Variants in TP53INP1 observed in about 807,000 individuals in gnomAD.
The protein encoded by TP53INP1 is tumor protein p53-inducible nuclear protein 1.
A neutral mutation model predicts 21.0 loss-of-function variants in TP53INP1; 12 were observed. The ratio of observed to expected loss-of-function variants is 0.57; its 90% CI spans 0.37 to 0.93. The LOEUF (loss-of-function observed/expected upper bound fraction) is 0.93, where lower values mean the gene tolerates loss of function less well. Ranked by LOEUF, TP53INP1 falls within the 40% of genes least tolerant of loss-of-function variation. The pLI, the probability that TP53INP1 is intolerant of heterozygous loss-of-function variation, is 0.01. For synonymous variants in TP53INP1, 91 were observed against 94.8 expected, an observed-to-expected ratio of 0.96 and a Z score of 0.23; for missense variants, 274 against 294.7, an observed-to-expected ratio of 0.93 and a Z score of 0.51.
chr8:94,934,991 T>C (rs1431648588), intron 3 of TP53INP1, among the ~76,000 whole-genome samples: 2 of 152,084 alleles, frequency 1.3e-5, no homozygotes, highest in Admixed American at 6.6e-5. Flanking sequence ...TCATAAAAAA[T>C]CATCTACAAT....
chr8:94,935,124 T>TAG (rs1464221684), intron 3 of TP53INP1, among the ~76,000 whole-genome samples: 4 of 115,222 alleles, frequency 3.5e-5, no homozygotes, highest in East Asian at 2.4e-4. Flanking sequence ...CATAGGTAGA[T>TAG]AGATATAGAT....
rs71273438 is a variant in TP53INP1, at chr8:94,946,696, CAAAAAAAAA to C, written c.-151+2449_-151+2457del. On this transcript the variant is annotated intron_variant, in intron 1 of 3. Coordinates refer to ENST00000342697, the MANE Select transcript of TP53INP1 (RefSeq NM_033285.4). ...TGGTCAACAGAGTAAGACCCTGTCT[CAAAAAAAAA>C]AAAAAAAAAAAAAAAGACAGGCCCT... 3.2e-4 allele frequency among the ~76,000 whole-genome samples: 11 copies of C among 34,698 alleles called. 1 individual carries two copies. The highest frequency in any genetic ancestry group is 1.9e-4 in the African/African-American group (2 of 10,596). The allele number at this position is 34,698 out of a possible 152,430, so 22.8% of individuals were successfully genotyped here. A position where few individuals can be genotyped will look rare whatever the true frequency, so the allele number is the denominator to read the frequency against.
At chr8:94,935,128 T>TATAGGTAGATAG (rs1820838881) in intron 3 of TP53INP1, among the ~76,000 whole-genome samples, 1 of 144,640 alleles carries the variant, frequency 6.9e-6, no homozygotes, top group South Asian at 2.3e-4. Flanking sequence ...GGTAGATAGA[T>TATAGGTAGATAG]ATAGATAGAT....
chr8:94,927,912 C>CAAA lies in TP53INP1; in HGVS notation c.*2564_*2566dup, dbSNP rs34997272. 267 of 149,190 alleles carry CAAA rather than the reference C, an allele frequency of 1.8e-3. No individual in the cohort carries two copies. The highest frequency in any genetic ancestry group is 4.8e-3 in the African/African-American group (197 of 40,686). 9.2% of individuals were successfully genotyped at this position (149,190 alleles called of 1,614,324 possible). A position where few individuals can be genotyped will look rare whatever the true frequency, so the allele number is the denominator to read the frequency against. ...TGTAAACCACTAATATTTACAATAG[C>CAAA]AAAAAAAAAAGCTCATAAAATGCAT... On this transcript the variant is annotated 3_prime_UTR_variant, in exon 4 of 4. Coordinates refer to ENST00000342697, the MANE Select transcript of TP53INP1 (RefSeq NM_033285.4).
At chr8:94,943,761 T>C (rs138500077) in intron 1 of TP53INP1, among the ~76,000 whole-genome samples, 19 of 152,350 alleles carry the variant, frequency 1.2e-4, no homozygotes, top group Admixed American at 5.2e-4. Context: ...TTAGAACACT[T>C]TGTGGTCACA....
chr8:94,948,906 C>T (rs1451217408), intron 1 of TP53INP1, among the ~76,000 whole-genome samples: 2 of 151,574 alleles, frequency 1.3e-5, no homozygotes, highest in Non-Finnish European at 2.9e-5. Flanking sequence ...CGCGCCGCCG[C>T]CGCCTCTGTC....
chr8:94,931,280 C>T (rs1014510285), intron 3 of TP53INP1, among the ~76,000 whole-genome samples: 8 of 151,984 alleles, frequency 5.3e-5, no homozygotes, highest in African/African-American at 1.7e-4. Context: ...TACTCATTTG[C>T]CATTTTTCTA....
intron 3 of TP53INP1, 144 bp downstream of exon 3, chr8:94,939,716 C>G: frequency 8.4e-7 from 1 of 1,193,386 alleles, no homozygotes; most frequent in Non-Finnish European, 1.2e-6. Context: ...ATCTTACGGA[C>G]CATCTTGTGT....
rs552955272 is a variant in TP53INP1 at position 94,942,082 on chromosome 8, G to C, written c.-150-991C>G. 2.2e-3 allele frequency among the ~76,000 whole-genome samples: 336 copies of C among 151,798 alleles called. 1 individual carries two copies. The highest frequency in any genetic ancestry group is 7.4e-3 in the African/African-American group (306 of 41,404). On this transcript the variant is annotated intron_variant, in intron 1 of 3. Transcript: ENST00000342697. ...GAGTCTTTGTCTGTTGCCCAGGCTG[G>C]AGTGCATGCAGTGAGGCGATCTTGG... is the stretch of plus-strand genomic sequence containing the variant.
rs141483665 is a variant in TP53INP1 at position 94,940,123 on chromosome 8, C to A, written c.210G>T (p.Pro70=). 1 of 1,614,112 alleles carries A rather than the reference C, an allele frequency of 6.2e-7. No homozygotes were observed. The highest frequency in any genetic ancestry group is 8.5e-7 in the Non-Finnish European group (1 of 1,180,024). The part of the protein sequence containing the change: ...TEHPSVFSCL[P]ASLECLADTS... ...TATCAGCCAAGCACTCAAGAGATGC[C>A]GGTAAACAGGAAAAGACTGAAGGGT... The change falls in exon 3 of 4, where the codon CCG becomes CCT. Residue 70 remains proline (P), a synonymous_variant. Coordinates refer to ENST00000342697, the MANE Select transcript of TP53INP1 (RefSeq NM_033285.4).
chr8:94,948,656 G>A (rs1822235485), intron 1 of TP53INP1, among the ~76,000 whole-genome samples: 1 of 152,108 alleles, frequency 6.6e-6, no homozygotes, highest in African/African-American at 2.4e-5. Flanking sequence ...ACAAGCCCAA[G>A]CGCCGCTGTC....
rs190377430 is a variant in TP53INP1 at position 94,947,405 on chromosome 8, C to T, written c.-151+1749G>A. ...ACGTACCGTCATTGAAAAGCAGCTT[C>T]AGAATTATCCTTCTTTTTATCCCAC... On this transcript the variant is annotated intron_variant, in intron 1 of 3. Coordinates refer to ENST00000342697, the MANE Select transcript of TP53INP1 (RefSeq NM_033285.4). Among the ~76,000 whole-genome samples, 578 of 152,234 alleles carry T rather than the reference C, an allele frequency of 3.8e-3. 4 individuals are homozygous for T. The highest frequency in any genetic ancestry group is 0.013 in the African/African-American group (553 of 41,526).
intron 3 of TP53INP1, among the ~76,000 whole-genome samples, chr8:94,937,637 C>A (rs1821119088): frequency 6.6e-6 from 1 of 152,066 alleles, no homozygotes; most frequent in Non-Finnish European, 1.5e-5. Context: ...CCCACATCAC[C>A]TCATTTTTTT....
Position 94,926,696 on chromosome 8 carries a change from C to T in TP53INP1, c.*3783G>A, listed in dbSNP as rs1330698403. On this transcript the variant is annotated 3_prime_UTR_variant, in exon 4 of 4. Transcript: ENST00000342697. ...TAAGCTGCCTGCCTTTCAAGAGTAA[C>T]TCTCCTCCCATGCAAAGGATACTGT... 6.6e-6 allele frequency: 1 copy of T among 152,176 alleles called. No individual in the cohort carries two copies. The highest frequency in any genetic ancestry group is 6.5e-5 in the Admixed American group (1 of 15,278). The allele number at this position is 152,176 out of a possible 1,614,324, so 9.4% of individuals were successfully genotyped here. A position where few individuals can be genotyped will look rare whatever the true frequency, so the allele number is the denominator to read the frequency against.
In TP53INP1 at chr8:94,930,453, AAACC is replaced by A. The variant is rs1386369307; in HGVS notation, c.*22_*25del. 23 of 1,612,794 alleles carry A rather than the reference AAACC, an allele frequency of 1.4e-5. 1 individual carries two copies. Among genetic ancestry groups the A allele is most frequent in the East Asian group, 4.5e-5 (2 of 44,858 alleles). ...CATACATGTAAGCACAAACCAAGAGAAACCAACCAACAAAACTTGAAACTATTAG... is the reference window on the plus strand; with the variant it reads ...CATACATGTAAGCACAAACCAAGAGAAACCAACAAAACTTGAAACTATTAG... On this transcript the variant is annotated 3_prime_UTR_variant, in exon 4 of 4. Coordinates refer to ENST00000342697, the MANE Select transcript of TP53INP1 (RefSeq NM_033285.4).
chr8:94,931,250 A>G (rs1429834264), intron 3 of TP53INP1, among the ~76,000 whole-genome samples: 2 of 152,236 alleles, frequency 1.3e-5, no homozygotes, highest in African/African-American at 2.4e-5. Flanking sequence ...TATTTAATAG[A>G]AATTTGCATA....
intron 3 of TP53INP1, among the ~76,000 whole-genome samples, chr8:94,932,846 T>TA (rs955951703): frequency 2.6e-5 from 4 of 152,066 alleles, no homozygotes; most frequent in African/African-American, 7.2e-5. Flanking sequence ...ATAAGGATGT[T>TA]AAAAAAATTA....
intron 3 of TP53INP1, among the ~76,000 whole-genome samples, chr8:94,938,050 T>C (rs1285533007): frequency 6.6e-6 from 1 of 152,138 alleles, no homozygotes; most frequent in Non-Finnish European, 1.5e-5. Flanking sequence ...AGGTTATGAA[T>C]TGGGATCAAT....
intron 1 of TP53INP1, among the ~76,000 whole-genome samples, chr8:94,944,586 G>C (rs984698322): frequency 1.3e-5 from 2 of 152,222 alleles, no homozygotes; most frequent in Non-Finnish European, 2.9e-5. Flanking sequence ...AACCTTGGGC[G>C]ACAGAGTGCT....
Sources: gnomAD v4.1 joint callset for allele counts (sites outside exome capture counted in the v4.1 genomes callset) on GRCh38, gnomAD v4.1.1 for gene constraint, MANE v1.5 for transcripts, NCBI Gene and HGNC (gene_info 2026-07-23, HGNC 2026-07-21) for gene names.